AGBL1: variants seen among roughly 807,000 people sequenced by gnomAD.
The protein encoded by AGBL1 is cytosolic carboxypeptidase 4.
A neutral mutation model predicts 118.9 loss-of-function variants in AGBL1; 130 were observed. That is an observed-to-expected ratio of 1.09 (90% CI 0.95 to 1.26). The LOEUF (loss-of-function observed/expected upper bound fraction) is 1.26. Among genes scored for constraint, AGBL1 ranks in the 50% most tolerant of loss-of-function variants. The pLI, the probability that AGBL1 is intolerant of heterozygous loss-of-function variation, is 0.00. For synonymous variants in AGBL1, 555 were observed against 478.9 expected, an observed-to-expected ratio of 1.16 and a Z score of -2.08; for missense variants, 1,584 against 1,298.1, an observed-to-expected ratio of 1.22 and a Z score of -3.38.
At chr15:86,599,635 A>C (rs1051544238) in intron 21 of AGBL1, among the ~76,000 whole-genome samples, 2 of 152,106 alleles carry the variant, frequency 1.3e-5, no homozygotes, top group Admixed American at 1.3e-4. Flanking sequence ...AAGCGGTGAT[A>C]ATATCATGTT....
At chr15:86,670,993 T>G (rs572063127) in intron 21 of AGBL1, among the ~76,000 whole-genome samples, 24 of 152,238 alleles carry the variant, frequency 1.6e-4, no homozygotes, top group African/African-American at 5.5e-4. Flanking sequence ...CTAGCAGCAT[T>G]GGCATCAGAA....
chr15:86,998,589 T>G (rs965515752), intron 24 of AGBL1, among the ~76,000 whole-genome samples: 1 of 152,194 alleles, frequency 6.6e-6, no homozygotes, highest in African/African-American at 2.4e-5. Context: ...TAATCACACC[T>G]TATTTTCTCC....
At chr15:86,880,811 A>T (rs2079880948) in intron 22 of AGBL1, among the ~76,000 whole-genome samples, 1 of 151,912 alleles carries the variant, frequency 6.6e-6, no homozygotes. Flanking sequence ...GTGTATAGGG[A>T]CATCAAAACA....
chr15:86,264,155 A>T (rs780060814), intron 10 of AGBL1, 103 bp from the exon 11 acceptor site: 850 of 993,518 alleles, frequency 8.6e-4, no homozygotes, highest in South Asian at 1.6e-3. Flanking sequence ...CATTCACAGG[A>T]TTTATGCTTA....
At chr15:86,389,069 T>C (rs769110378) in intron 17 of AGBL1, among the ~76,000 whole-genome samples, 2 of 152,182 alleles carry the variant, frequency 1.3e-5, no homozygotes, top group Non-Finnish European at 2.9e-5. Context: ...ATAACTGATA[T>C]AGCTTTTGAA....
chr15:86,352,295 G>C (rs1233951800), intron 17 of AGBL1, among the ~76,000 whole-genome samples: 1 of 152,198 alleles, frequency 6.6e-6, no homozygotes, highest in Admixed American at 6.5e-5. Flanking sequence ...GAAAGATACA[G>C]TTAGAAATTA....
chr15:86,738,179 C>T (rs1028560054), intron 22 of AGBL1, among the ~76,000 whole-genome samples: 16 of 152,116 alleles, frequency 1.1e-4, no homozygotes, highest in Admixed American at 5.9e-4. Context: ...AATTCAACAC[C>T]GCTTCATAAT....
chr15:86,983,491 G>A (rs892669747), intron 23 of AGBL1, among the ~76,000 whole-genome samples: 3 of 152,084 alleles, frequency 2.0e-5, no homozygotes, highest in African/African-American at 7.2e-5. Context: ...GTCTTTTGAT[G>A]TTCTTTTGTC....
At chr15:86,153,401 T>C (rs1247772478) in intron 3 of AGBL1, among the ~76,000 whole-genome samples, 1 of 151,936 alleles carries the variant, frequency 6.6e-6, no homozygotes, top group East Asian at 1.9e-4. Flanking sequence ...CTCAGCAAAC[T>C]GTCACAAGGA....
intron 21 of AGBL1, among the ~76,000 whole-genome samples, chr15:86,632,332 C>G (rs2142439680): frequency 6.7e-6 from 1 of 149,994 alleles, no homozygotes; most frequent in East Asian, 2.0e-4. Context: ...TAATCCAGCA[C>G]TGTGGGAGAC....
chr15:86,189,829 A>G (rs1164421122), intron 5 of AGBL1, among the ~76,000 whole-genome samples: 1 of 152,214 alleles, frequency 6.6e-6, no homozygotes, highest in Non-Finnish European at 1.5e-5. Context: ...CAAATAGGCT[A>G]AGATGTAGAA....
At chr15:87,020,878 G>A (rs2081657747) in intron 24 of AGBL1, among the ~76,000 whole-genome samples, 3 of 152,034 alleles carry the variant, frequency 2.0e-5, no homozygotes, top group South Asian at 4.1e-4. Context: ...AACATTCCAT[G>A]CTCATGGATA....
chr15:86,707,507 T>A (rs1003263428), intron 22 of AGBL1, among the ~76,000 whole-genome samples: 1 of 152,120 alleles, frequency 6.6e-6, no homozygotes, highest in African/African-American at 2.4e-5. Flanking sequence ...ACACACCACA[T>A]CCCTCATGTT....
At chr15:86,376,751 G>C (rs1462768086) in intron 17 of AGBL1, among the ~76,000 whole-genome samples, 2 of 152,184 alleles carry the variant, frequency 1.3e-5, no homozygotes, top group Non-Finnish European at 2.9e-5. Flanking sequence ...CTCATCTTAA[G>C]TCACATTGTT....
intron 1 of AGBL1, among the ~76,000 whole-genome samples, chr15:86,104,884 A>G (rs1206916138): frequency 1.3e-5 from 2 of 152,090 alleles, no homozygotes; most frequent in Admixed American, 1.3e-4. Flanking sequence ...TTCAGGGCCC[A>G]CAATGGTCAA....
chr15:87,002,490 AGTC>A (rs1350054147), intron 24 of AGBL1, among the ~76,000 whole-genome samples: 1 of 152,014 alleles, frequency 6.6e-6, no homozygotes, highest in Non-Finnish European at 1.5e-5. Context: ...TGAACTTTAA[AGTC>A]GTTTTTTCCA....
chr15:87,029,129 G>C (rs979953802), downstream of AGBL1: 6 of 286,996 alleles, frequency 2.1e-5, no homozygotes, highest in African/African-American at 1.3e-4. Flanking sequence ...TTAACTAAAT[G>C]AATGAAAGAA....
chr15:86,484,202 G>A (rs1371125336), intron 18 of AGBL1, among the ~76,000 whole-genome samples: 1 of 152,094 alleles, frequency 6.6e-6, no homozygotes, highest in Non-Finnish European at 1.5e-5. Flanking sequence ...GTGTAATTGA[G>A]AACCTGTAAT....
At chr15:86,538,417 A>G (rs1444168362) in intron 19 of AGBL1, among the ~76,000 whole-genome samples, 2 of 152,222 alleles carry the variant, frequency 1.3e-5, no homozygotes, top group African/African-American at 2.4e-5. Flanking sequence ...ATGGCTATCA[A>G]TAAAAAGACT....
Sources: allele counts gnomAD v4.1 joint callset (sites outside exome capture counted in the v4.1 genomes callset), GRCh38; gene constraint gnomAD v4.1.1; transcripts MANE v1.5; gene names NCBI Gene and HGNC (gene_info 2026-07-23, HGNC 2026-07-21).